The following DDX21 variants were observed in gnomAD, a reference collection of about 807,000 sequenced individuals.
DDX21 encodes the protein nucleolar RNA helicase 2.
Under a neutral mutation model 90.0 loss-of-function variants are expected in DDX21, and 18 were observed. That is an observed-to-expected ratio of 0.20 (90% confidence interval 0.14 to 0.30). The LOEUF (loss-of-function observed/expected upper bound fraction) is 0.30, where lower values mean the gene tolerates loss of function less well. Among genes scored for constraint, DDX21 ranks in the 10% least tolerant of loss-of-function variants. The pLI, the probability that DDX21 is intolerant of heterozygous loss-of-function variation, is 1.00. For missense variants in DDX21, 673 were observed against 944.5 expected, an observed-to-expected ratio of 0.71 and a Z score of 3.77; for synonymous variants, 294 against 318.0, an observed-to-expected ratio of 0.92 and a Z score of 0.80.
At chr10:68,971,028 A>G (rs970821871) in intron 8 of DDX21, among the ~76,000 whole-genome samples, 4 of 129,468 alleles carry the variant, frequency 3.1e-5, no homozygotes, top group African/African-American at 1.2e-4. Context: ...AGTGAAGTGC[A>G]TTGGCGTGGT....
intron 7 of DDX21, among the ~76,000 whole-genome samples, chr10:68,969,389 C>T (rs1842989547): frequency 1.3e-5 from 2 of 152,206 alleles, no homozygotes; most frequent in African/African-American, 2.4e-5. Flanking sequence ...AAGTGATTCT[C>T]CTGCCTCAGC....
At chr10:68,972,278 G>A (rs1460697810) in intron 9 of DDX21, among the ~76,000 whole-genome samples, 1 of 152,156 alleles carries the variant, frequency 6.6e-6, no homozygotes, top group African/African-American at 2.4e-5. Flanking sequence ...GTGACTTGGG[G>A]ATATAGTGTG....
At chr10:68,966,897 T>G in intron 5 of DDX21, 121 bp from the exon 6 acceptor site, 1 of 686,706 alleles carries the variant, frequency 1.5e-6, no homozygotes, top group Admixed American at 3.2e-5. Flanking sequence ...CTTAGCATAT[T>G]ACTTTGTACT....
chr10:68,974,831 A>AC, intron 11 of DDX21, 88 bp downstream of exon 11: 1 of 1,218,740 alleles, frequency 8.2e-7, no homozygotes, highest in Admixed American at 2.6e-5. Flanking sequence ...GACTTAAAAA[A>AC]ATTTTTTTTT....
rs534014062 is a variant in DDX21 at position 68,983,050 on chromosome 10, T to C, written c.*238T>C. On this transcript the variant is annotated 3_prime_UTR_variant, in exon 15 of 15. Transcript: ENST00000354185. ...CCTTTTGAAAGGTGTATGAATTCATTACATTTTTATTCTAATGTATTATCT... is the reference window on the plus strand; with the variant it reads ...CCTTTTGAAAGGTGTATGAATTCATCACATTTTTATTCTAATGTATTATCT... 1 of 567,624 alleles carries C rather than the reference T, an allele frequency of 1.8e-6. No homozygotes were observed. Among genetic ancestry groups the C allele is most frequent in the East Asian group, 3.1e-5 (1 of 32,728 alleles). The allele number at this position is 567,624 out of a possible 1,614,324, so 35.2% of individuals were successfully genotyped here. A position where few individuals can be genotyped will look rare whatever the true frequency, so the allele number is the denominator to read the frequency against.
chr10:68,970,362 C>T lies in DDX21; in HGVS notation c.1386+12C>T. On this transcript the variant is annotated intron_variant, in intron 8 of 14. Coordinates refer to ENST00000354185, the MANE Select transcript of DDX21 (RefSeq NM_004728.4). ...CAGCTATAAAGCAGGTTGGTCCTTC[C>T]CCTTATGCCAGCAAAACTGGGGATA... 2 of 1,608,994 alleles carry T rather than the reference C, an allele frequency of 1.2e-6. No homozygotes were observed. Among genetic ancestry groups the T allele is most frequent in the Non-Finnish European group, 1.7e-6 (2 of 1,178,030 alleles).
chr10:68,962,300 C>T lies in DDX21; in HGVS notation c.607+143C>T, dbSNP rs568512785. 3.1e-5 allele frequency: 19 copies of T among 605,980 alleles called. No homozygotes were observed. The East Asian group carries it at 5.4e-4, about 17-fold the overall frequency. The allele number at this position is 605,980 out of a possible 1,614,324, so 37.5% of individuals were successfully genotyped here. On this transcript the variant is annotated intron_variant, in intron 3 of 14. Transcript: ENST00000354185. ...ATATAATGAAGTAGGCCTGTGTATT[C>T]AATTTAGTACTATAGTAGTGATGGT...
chr10:68,958,790 G>A (rs1455706319), intron 1 of DDX21, among the ~76,000 whole-genome samples: 2 of 152,046 alleles, frequency 1.3e-5, no homozygotes, highest in Non-Finnish European at 2.9e-5. Context: ...GTCCATGCTT[G>A]CCTGGAACTG....
intron 2 of DDX21, 73 bp downstream of exon 2, chr10:68,960,322 AT>A: frequency 7.0e-7 from 1 of 1,438,760 alleles, no homozygotes; most frequent in Non-Finnish European, 9.3e-7. Context: ...TAACTGCTAT[AT>A]GTACTCTTTA....
intron 4 of DDX21, chr10:68,964,012 A>G (rs971580844): frequency 2.6e-5 from 7 of 271,994 alleles, no homozygotes; most frequent in African/African-American, 1.6e-4. Flanking sequence ...AGGCAGGAGA[A>G]TGGCGTGAAT....
In DDX21 at chr10:68,967,150, A is replaced by C. The variant is rs757875014; in HGVS notation, c.1037A>C (p.Asp346Ala). ...VVLDEVDQML[D>A]MGFADQVEEI... ...CTGGATGAAGTGGACCAGATGTTGGATATGGGATTTGCTGATCAAGTGGAA... is the reference window on the plus strand; with the variant it reads ...CTGGATGAAGTGGACCAGATGTTGGCTATGGGATTTGCTGATCAAGTGGAA... Residue 346 changes from aspartate (D) to alanine (A), a missense_variant, in exon 6 of 15, where the codon GAT becomes GCT. Physicochemically the swap from Asp to Ala is moderately radical, Grantham distance 126 (BLOSUM62 -2). Around this residue, in one of 4 missense-constraint regions of DDX21, gnomAD observed 218 missense variants for 347.3 expected, o/e 0.63. Coordinates refer to ENST00000354185, the MANE Select transcript of DDX21 (RefSeq NM_004728.4). 7 of 1,612,130 alleles carry C rather than the reference A, an allele frequency of 4.3e-6. No homozygotes were observed. In the East Asian group the frequency reaches 1.6e-4, roughly 36 times the overall value.
At position 68,967,212 on chromosome 10, in the gene DDX21, C is replaced by A. The variant is rs1842951293; in HGVS notation, c.1090+9C>A. On this transcript the variant is annotated intron_variant, in intron 6 of 14. Coordinates refer to ENST00000354185, the MANE Select transcript of DDX21 (RefSeq NM_004728.4). ...TGTGGCATACAAGAAAGGTAATCCA[C>A]AAATTCAAGAAGCTGATAAAAAAGA... 1 of 1,602,694 alleles carries A rather than the reference C, an allele frequency of 6.2e-7. No homozygotes were observed. The highest frequency in any genetic ancestry group is 1.7e-5 in the Admixed American group (1 of 59,052).
chr10:68,968,961 T>TC lies in DDX21; in HGVS notation c.1091-10dup. ...GGATTATTCATACTGACTTTTTTTT[T>TC]CCCCCTCCTCAAAGATTCTGAAGAC... is the stretch of plus-strand genomic sequence containing the variant. On this transcript the variant is annotated splice_polypyrimidine_tract_variant and intron_variant, in intron 6 of 14. Transcript: ENST00000354185. The TC allele has an allele frequency of 6.2e-6, 10 of 1,611,078 alleles. No individual in the cohort carries two copies. Among genetic ancestry groups the TC allele is most frequent in the Non-Finnish European group, 8.5e-6 (10 of 1,178,786 alleles).
At chr10:68,964,661 C>CTTTTTTT (rs370442851) in intron 4 of DDX21, among the ~76,000 whole-genome samples, 1 of 100,078 alleles carries the variant, frequency 1.0e-5, no homozygotes, top group Non-Finnish European at 1.9e-5. Flanking sequence ...TGCACCTGGA[C>CTTTTTTT]TTTTTTTTTT....
At chr10:68,973,072 G>T (rs1843049238) in intron 9 of DDX21, among the ~76,000 whole-genome samples, 1 of 152,040 alleles carries the variant, frequency 6.6e-6, no homozygotes, top group Non-Finnish European at 1.5e-5. Flanking sequence ...TCAGGTGCCT[G>T]TTGTCCCAGC....
chr10:68,974,161 C>T (rs1220064614), intron 10 of DDX21, among the ~76,000 whole-genome samples: 2 of 152,208 alleles, frequency 1.3e-5, no homozygotes, highest in Non-Finnish European at 2.9e-5. Flanking sequence ...TGAACAAACA[C>T]TACCTGGGCC....
intron 1 of DDX21, 50 bp downstream of exon 1, chr10:68,956,362 C>T: frequency 6.2e-7 from 1 of 1,609,504 alleles, no homozygotes. Context: ...GGAGCGGAAC[C>T]CCGGGGTGCG....
At chr10:68,979,028 A>T in intron 13 of DDX21, 52 bp downstream of exon 13, 1 of 1,609,122 alleles carries the variant, frequency 6.2e-7, no homozygotes, top group Non-Finnish European at 8.5e-7. Context: ...GTGGGCAGGA[A>T]AACAGTGTGG....
intron 4 of DDX21, chr10:68,964,145 C>T (rs577283250): frequency 2.0e-5 from 8 of 409,070 alleles, no homozygotes; most frequent in East Asian, 1.6e-4. Context: ...GAAAGAAGGG[C>T]AAGTCAGAGG....
Sources: gnomAD v4.1 joint callset for allele counts (sites outside exome capture counted in the v4.1 genomes callset) on GRCh38, gnomAD v4.1.1 for gene constraint, gnomAD v4.1.1 regional missense constraint, MANE v1.5 for transcripts, NCBI Gene and HGNC (gene_info 2026-07-23, HGNC 2026-07-21) for gene names.